Variants in LDB3 observed in about 807,000 individuals in gnomAD.
The protein encoded by LDB3 is LIM domain binding 3, also known as LIM domain-binding protein 3.
LDB3 carries 49 observed loss-of-function variants against 69.0 expected under a neutral mutation model. That is an observed-to-expected ratio of 0.71 (90% confidence interval 0.56 to 0.90). The LOEUF is 0.90. Among genes scored for constraint, LDB3 ranks in the 40% least tolerant of loss-of-function variants. The pLI, the probability that LDB3 is intolerant of heterozygous loss-of-function variation, is 0.00. For missense variants in LDB3, 928 were observed against 974.1 expected, an observed-to-expected ratio of 0.95 and a Z score of 0.63; for synonymous variants, 387 against 396.2, an observed-to-expected ratio of 0.98 and a Z score of 0.28.
intron 4 of LDB3, among the ~76,000 whole-genome samples, 164 bp from the exon 5 acceptor site, chr10:86,681,272 T>G (rs1042185686): frequency 6.6e-6 from 1 of 152,266 alleles, no homozygotes; most frequent in Non-Finnish European, 1.5e-5. Flanking sequence ...TGCCTGCTCC[T>G]CCACCAGTGT....
chr10:86,709,795 G>A (rs1183010170), intron 8 of LDB3, 110 bp from the exon 9 acceptor site: 5 of 1,178,530 alleles, frequency 4.2e-6, no homozygotes, highest in Non-Finnish European at 2.5e-6. Context: ...AAATGTCTCT[G>A]TCAGGTGTCC....
At chr10:86,682,599 G>A (rs897910645) in intron 5 of LDB3, among the ~76,000 whole-genome samples, 12 of 152,106 alleles carry the variant, frequency 7.9e-5, no homozygotes, top group Admixed American at 2.0e-4. Flanking sequence ...TTCTACTCCC[G>A]CCCTGTGCAA....
Position 86,687,210 on chromosome 10 carries a change from C to T in LDB3, c.690-4686C>T, listed in dbSNP as rs937619756. 5 of 1,614,110 alleles carry T rather than the reference C, an allele frequency of 3.1e-6. No individual in the cohort carries two copies. The highest frequency in any genetic ancestry group is 3.4e-6 in the Non-Finnish European group (4 of 1,180,042). On this transcript the variant is annotated intron_variant, in intron 5 of 13. Coordinates refer to ENST00000361373, the MANE Select transcript of LDB3 (RefSeq NM_007078.3). ...ACAACACGCCCATCAGCATGTATTC[C>T]CAGGATGCCATCATGGATGCCATCG...
chr10:86,732,672 T>G (rs149910852), intron 13 of LDB3: 16 of 532,186 alleles, frequency 3.0e-5, no homozygotes, highest in African/African-American at 2.5e-4. Context: ...CCTGGCTAAT[T>G]TTTGTATTTT....
intron 2 of LDB3, 125 bp downstream of exon 2, chr10:86,668,909 G>A: frequency 3.9e-6 from 3 of 759,588 alleles, no homozygotes; most frequent in Non-Finnish European, 4.4e-6. Context: ...CCCATCCCCT[G>A]GGACTGGCCT....
chr10:86,733,042 G>A lies in LDB3; in HGVS notation c.*66G>A. ...CCTGCTGCTGGCAACAAAGGATTCG[G>A]GAGGCTGATGTTTCTTCTGAGGGGA... On this transcript the variant is annotated 3_prime_UTR_variant, in exon 14 of 14. Coordinates refer to ENST00000361373, the MANE Select transcript of LDB3 (RefSeq NM_007078.3). 9.1e-7 allele frequency: 1 copy of A among 1,099,018 alleles called. No homozygotes were observed. The highest frequency in any genetic ancestry group is 1.4e-6 in the Non-Finnish European group (1 of 727,164). 68.1% of individuals were successfully genotyped at this position (1,099,018 alleles called of 1,614,324 possible). A position where few individuals can be genotyped will look rare whatever the true frequency, so the allele number is the denominator to read the frequency against.
chr10:86,707,374 G>A (rs966756684), intron 8 of LDB3, among the ~76,000 whole-genome samples: 1 of 152,000 alleles, frequency 6.6e-6, no homozygotes, highest in Non-Finnish European at 1.5e-5. Context: ...ATAGAATTAT[G>A]ATAGAAAAAA....
chr10:86,681,296 T>C (rs1845108249), intron 4 of LDB3, 140 bp from the exon 5 acceptor site: 2 of 1,270,530 alleles, frequency 1.6e-6, no homozygotes, highest in East Asian at 4.6e-5. Flanking sequence ...CCCCTCCAAG[T>C]GCTGCGCCCA....
intron 2 of LDB3, among the ~76,000 whole-genome samples, chr10:86,669,425 C>T (rs963746006): frequency 1.3e-5 from 2 of 152,190 alleles, no homozygotes; most frequent in African/African-American, 4.8e-5. Flanking sequence ...GTGAGATGGC[C>T]CCCTATCCTG....
At chr10:86,668,604 G>A (rs1844279353) in intron 1 of LDB3, 34 bp downstream of exon 1, 1 of 1,040,460 alleles carries the variant, frequency 9.6e-7, no homozygotes, top group African/African-American at 1.6e-5. Flanking sequence ...GGGCAGAGGT[G>A]TGGACCGGGC....
chr10:86,702,410 G>T (rs200469334), intron 7 of LDB3, among the ~76,000 whole-genome samples: 1 of 152,084 alleles, frequency 6.6e-6, no homozygotes, highest in African/African-American at 2.4e-5. Flanking sequence ...ACCACCAAGG[G>T]CCACCATGGA....
intron 9 of LDB3, chr10:86,710,325 C>A: frequency 4.3e-6 from 4 of 921,642 alleles, no homozygotes; most frequent in Non-Finnish European, 5.2e-6. Context: ...CATGGTGGCT[C>A]ACACTTGGAA....
Position 86,733,007 on chromosome 10 carries a change from C to T in LDB3, c.*31C>T, listed in dbSNP as rs370023480. 1.7e-5 allele frequency: 25 copies of T among 1,497,898 alleles called. No homozygotes were observed. The highest frequency in any genetic ancestry group is 2.2e-5 in the Non-Finnish European group (24 of 1,079,704). The allele number at this position is 1,497,898 out of a possible 1,614,324, so 92.8% of individuals were successfully genotyped here. ...CAAGGCCGCCTGTGCTGACGAGGCC[C>T]GGAGCTGCTCCTGCTGCTGGCAACA... On this transcript the variant is annotated 3_prime_UTR_variant, in exon 14 of 14. Coordinates refer to ENST00000361373, the MANE Select transcript of LDB3 (RefSeq NM_007078.3).
At chr10:86,687,606 G>GC (rs1845555315) in intron 5 of LDB3, among the ~76,000 whole-genome samples, 2 of 152,234 alleles carry the variant, frequency 1.3e-5, no homozygotes, top group African/African-American at 4.8e-5. Flanking sequence ...CATTCTGGAG[G>GC]CCCCCAGGCC....
intron 12 of LDB3, among the ~76,000 whole-genome samples, chr10:86,719,998 A>G (rs1847018674): frequency 6.6e-6 from 1 of 152,224 alleles, no homozygotes; most frequent in South Asian, 2.1e-4. Context: ...AGAATAACAG[A>G]GCTGCAGGGA....
rs1415631553 is a variant in LDB3, at chr10:86,732,889, C to A, written c.2097C>A (p.Val699=). 1 of 1,613,238 alleles carries A rather than the reference C, an allele frequency of 6.2e-7. No individual in the cohort carries two copies. Among genetic ancestry groups the A allele is most frequent in the East Asian group, 2.2e-5 (1 of 44,862 alleles). The stretch of plus-strand genomic sequence containing the variant: ...CGCAGGTCTGTTCTCTGCTCCAGGT[C>A]TGCCATGTGAATCTGGAGGGGCAGC... The part of the protein sequence containing the change: ...TWHDTCFICA[V]CHVNLEGQPF... Residue 699 remains valine, a splice_region_variant and synonymous_variant, in exon 14 of 14, where the codon GTC becomes GTA. Transcript: ENST00000361373.
chr10:86,696,328 G>C (rs1845997636), intron 7 of LDB3, among the ~76,000 whole-genome samples: 1 of 150,198 alleles, frequency 6.7e-6, no homozygotes, highest in South Asian at 2.1e-4. Flanking sequence ...TCTCTTTTTT[G>C]GATTTTGAGT....
At chr10:86,720,381 T>C (rs1002574963) in intron 12 of LDB3, among the ~76,000 whole-genome samples, 5 of 151,904 alleles carry the variant, frequency 3.3e-5, no homozygotes, top group Admixed American at 2.6e-4. Flanking sequence ...GAGGCAGAGG[T>C]TGCAGTGAGC....
At chr10:86,711,283 G>C (rs2132469323) in intron 9 of LDB3, among the ~76,000 whole-genome samples, 1 of 152,236 alleles carries the variant, frequency 6.6e-6, no homozygotes, top group East Asian at 1.9e-4. Context: ...CAGGGCTCCG[G>C]GGGCGCGCGG....
Sources: gnomAD v4.1 joint callset for allele counts (sites outside exome capture counted in the v4.1 genomes callset) on GRCh38, gnomAD v4.1.1 for gene constraint, MANE v1.5 for transcripts, NCBI Gene and HGNC (gene_info 2026-07-23, HGNC 2026-07-21) for gene names.